Variants in PCDH11Y observed in about 807,000 individuals in gnomAD.
PCDH11Y encodes the protein protocadherin-11 Y-linked.
For synonymous variants in PCDH11Y, 9 were observed against 83.6 expected, an observed-to-expected ratio of 0.11 and a Z score of 4.87; for missense variants, 12 against 224.8, an observed-to-expected ratio of 0.05 and a Z score of 6.05.
At chrY:5,418,133 A>G (rs2053254818) in intron 2 of PCDH11Y, among the ~76,000 whole-genome samples, 1 of 31,666 alleles carries the variant, frequency 3.2e-5, no homozygotes, top group African/African-American at 1.2e-4. Context: ...GCCATTTATA[A>G]CTGGTGCTCT....
chrY:5,639,330 G>A (rs2124704879), intron 4 of PCDH11Y, among the ~76,000 whole-genome samples: 2 of 32,181 alleles, frequency 6.2e-5, no homozygotes, highest in Admixed American at 5.8e-4. Context: ...AACACTTAAC[G>A]GTATTTATAG....
intron 2 of PCDH11Y, among the ~76,000 whole-genome samples, chrY:5,383,253 TTAA>T (rs2053206958): frequency 6.2e-5 from 2 of 32,250 alleles, no homozygotes; most frequent in Admixed American, 2.9e-4. Context: ...GTTAATAATT[TTAA>T]AATGCTAAAT....
chrY:5,408,009 T>C, intron 2 of PCDH11Y, among the ~76,000 whole-genome samples: 3 of 31,993 alleles, frequency 9.4e-5, no homozygotes, highest in Non-Finnish European at 1.5e-4. Context: ...TCTCTTCTGT[T>C]ACGAAATCTC....
At chrY:5,149,828 C>T (rs2052862704) in intron 2 of PCDH11Y, among the ~76,000 whole-genome samples, 1 of 31,636 alleles carries the variant, frequency 3.2e-5, no homozygotes, top group South Asian at 7.4e-4. Flanking sequence ...ATGAGGCCCC[C>T]CCACATCATG....
At chrY:5,140,432 G>T (rs2052847028) in intron 2 of PCDH11Y, among the ~76,000 whole-genome samples, 1 of 29,607 alleles carries the variant, frequency 3.4e-5, no homozygotes, top group African/African-American at 1.3e-4. Context: ...AAAGTGTTGC[G>T]CATTTACTGA....
At chrY:5,184,974 G>A (rs367682824) in intron 2 of PCDH11Y, among the ~76,000 whole-genome samples, 131 of 32,349 alleles carry the variant, frequency 4.0e-3, no homozygotes, top group African/African-American at 0.014. Flanking sequence ...CTGTAATTTT[G>A]GTGTCATAAA....
intron 4 of PCDH11Y, among the ~76,000 whole-genome samples, chrY:5,613,765 C>A (rs2053490392): frequency 3.1e-5 from 1 of 32,322 alleles, no homozygotes; most frequent in African/African-American, 1.2e-4. Context: ...ATTTGATTTT[C>A]TTTTTTTTTA....
At chrY:5,142,799 A>T in intron 2 of PCDH11Y, among the ~76,000 whole-genome samples, 1 of 33,370 alleles carries the variant, frequency 3.0e-5, no homozygotes, top group Non-Finnish European at 7.5e-5. Context: ...GGCAGCACTG[A>T]CCTAGTGTCA....
At chrY:5,133,112 A>T in intron 2 of PCDH11Y, among the ~76,000 whole-genome samples, 1 of 33,073 alleles carries the variant, frequency 3.0e-5, no homozygotes, top group South Asian at 6.6e-4. Flanking sequence ...ACTTTCTTTC[A>T]TAAATTTTGA....
intron 2 of PCDH11Y, among the ~76,000 whole-genome samples, chrY:5,143,778 G>A: frequency 3.0e-5 from 1 of 33,136 alleles, no homozygotes; most frequent in Admixed American, 2.8e-4. Flanking sequence ...CTATAGCACT[G>A]TGTAAGCACT....
chrY:5,184,331 C>CTTCA (rs2052904254), intron 2 of PCDH11Y, among the ~76,000 whole-genome samples: 45 of 15,552 alleles, frequency 2.9e-3, no homozygotes, highest in Admixed American at 6.1e-3. Flanking sequence ...TTCTTTCTTT[C>CTTCA]TTCATTCATT....
rs2053558803 is a variant in PCDH11Y at position 5,681,919 on chromosome Y, GT to G, written c.3353-55350del. ...CTAAATCATCACTCTCAAGTTCAAAGTTTCACAGATCCCCAAGCCAGGGGCA... is the reference window on the plus strand; with the variant it reads ...CTAAATCATCACTCTCAAGTTCAAAGTTCACAGATCCCCAAGCCAGGGGCA... On this transcript the variant is annotated intron_variant, in intron 4 of 4. Transcript: ENST00000400457. Among the ~76,000 whole-genome samples the G allele has an allele frequency of 2.5e-4, 8 of 31,476 alleles. No individual in the cohort carries two copies. The East Asian group carries it at 5.9e-3, about 23-fold the overall frequency. 84.4% of individuals were successfully genotyped at this position (31,476 alleles called of 37,273 possible).
intron 2 of PCDH11Y, among the ~76,000 whole-genome samples, chrY:5,185,155 C>T: frequency 3.1e-5 from 1 of 32,335 alleles, no homozygotes; most frequent in Non-Finnish European, 7.5e-5. Flanking sequence ...TCTCAGCTCA[C>T]TACAAACTCC....
At chrY:5,266,746 G>T in intron 2 of PCDH11Y, among the ~76,000 whole-genome samples, 1 of 31,983 alleles carries the variant, frequency 3.1e-5, no homozygotes, top group Non-Finnish European at 7.6e-5. Flanking sequence ...ATTAAATTAA[G>T]AAACACCATA....
intron 1 of PCDH11Y, among the ~76,000 whole-genome samples, chrY:5,061,646 C>T (rs1602854198): frequency 1.1e-3 from 35 of 33,011 alleles, no homozygotes; most frequent in Non-Finnish European, 1.6e-3. Flanking sequence ...TTCCATCTTC[C>T]GTGGCATATA....
At position 5,472,853 on chromosome Y, in the gene PCDH11Y, A is replaced by G. The variant is rs1602930413; in HGVS notation, c.3130-28204A>G. ...TATTTTAAAAGACAAATAATTCTAA[A>G]CATCCTAAACCCTACTTTTGCTTCA... is the stretch of plus-strand genomic sequence containing the variant. On this transcript the variant is annotated intron_variant, in intron 2 of 4. Transcript: ENST00000400457. 1.5e-4 allele frequency among the ~76,000 whole-genome samples: 5 copies of G among 32,784 alleles called. No individual in the cohort carries two copies. The East Asian group carries it at 4.0e-3, about 26-fold the overall frequency. 88.0% of individuals were successfully genotyped at this position (32,784 alleles called of 37,273 possible). A position where few individuals can be genotyped will look rare whatever the true frequency, so the allele number is the denominator to read the frequency against.
intron 4 of PCDH11Y, among the ~76,000 whole-genome samples, chrY:5,586,166 A>G: frequency 3.1e-5 from 1 of 32,423 alleles, no homozygotes. Flanking sequence ...TAGGAATAGC[A>G]TTGAATGTAT....
intron 4 of PCDH11Y, among the ~76,000 whole-genome samples, chrY:5,647,834 C>T (rs2053528508): frequency 4.8e-4 from 16 of 33,650 alleles, no homozygotes; most frequent in Non-Finnish European, 1.0e-3. Context: ...GATGGGAATC[C>T]TTAGAGAAAT....
rs2124652893 is a variant in PCDH11Y, at chrY:5,224,278, C to G, written c.3129+123571C>G. On this transcript the variant is annotated intron_variant, in intron 2 of 4. Transcript: ENST00000400457. ...TGGAATCAGATGGTGAGAAGAATGA[C>G]CCATTTGTAATAACTAATCTCATTG... Among the ~76,000 whole-genome samples, 5 of 23,483 alleles carry G rather than the reference C, an allele frequency of 2.1e-4. No homozygotes were observed. The South Asian group carries it at 5.9e-3, about 28-fold the overall frequency. 63.0% of individuals were successfully genotyped at this position (23,483 alleles called of 37,273 possible).
Sources: allele counts gnomAD v4.1 joint callset (sites outside exome capture counted in the v4.1 genomes callset), GRCh38; gene constraint gnomAD v4.1.1; transcripts MANE v1.5; gene names NCBI Gene and HGNC (gene_info 2026-07-23, HGNC 2026-07-21).